Variants in AGFG2 observed in about 807,000 individuals in gnomAD.
The protein encoded by AGFG2 is ArfGAP with FG repeats 2.
AGFG2 carries 31 observed loss-of-function variants against 48.0 expected under a neutral mutation model. That is an observed-to-expected ratio of 0.65 (90% confidence interval 0.49 to 0.87). AGFG2 has a LOEUF of 0.87. AGFG2 is among the 40% of genes least tolerant of loss of function. The probability of loss-of-function intolerance (pLI) is 0.00; values close to 1 mark genes in which losing one functional copy is unlikely to be tolerated. For synonymous variants in AGFG2, 229 were observed against 260.8 expected (o/e 0.88, Z 1.18); for missense variants, 599 against 632.6 (o/e 0.95, Z 0.57).
chr7:100,561,473 CCCAG>C (rs1208846789), intron 6 of AGFG2, among the ~76,000 whole-genome samples: 1 of 152,152 alleles, frequency 6.6e-6, no homozygotes, highest in Non-Finnish European at 1.5e-5. Flanking sequence ...TTCACAGCAG[CCCAG>C]TGTGGTCGAT....
chr7:100,564,277 G>C lies in AGFG2; in HGVS notation c.1360G>C (p.Ala454Pro), dbSNP rs372132925. Residue 454 changes from alanine to proline, a missense_variant, in exon 11 of 12, where the codon GCT becomes CCT. Ala to Pro is a conservative substitution (Grantham distance 27, BLOSUM62 -1). Transcript: ENST00000300176. ...KLGQRPLSQP[A>P]GISTNPFMTG... ...GGGGCAGAGGCCACTGAGCCAGCCA[G>C]CTGGGATCTCCACCAACCCCTTCAT... 1.2e-4 allele frequency: 190 copies of C among 1,613,760 alleles called. No individual in the cohort carries two copies. The highest frequency in any genetic ancestry group is 1.4e-4 in the Non-Finnish European group (170 of 1,179,934).
rs76456752 is a variant in AGFG2, at chr7:100,561,127, C to CTT, written c.878-1117_878-1116dup. On this transcript the variant is annotated intron_variant, in intron 6 of 11. Transcript: ENST00000300176. ...AGCCACCACACCTGGCCAGATCTCC[C>CTT]TTTTTTTTTTTTTTTTGAGACGGAG... 4.4e-3 allele frequency among the ~76,000 whole-genome samples: 553 copies of CTT among 125,072 alleles called. 6 individuals carry two copies. Among genetic ancestry groups the CTT allele is most frequent in the African/African-American group, 0.016 (517 of 33,170 alleles). 82.1% of individuals were successfully genotyped at this position (125,072 alleles called of 152,430 possible).
At chr7:100,555,966 C>T in intron 6 of AGFG2, 1 of 490,708 alleles carries the variant, frequency 2.0e-6, no homozygotes, top group Non-Finnish European at 3.5e-6. Context: ...GCAGCAGGAG[C>T]TGTGTGGGTT....
intron 9 of AGFG2, 80 bp from the exon 10 acceptor site, chr7:100,563,754 T>G (rs922861920): frequency 7.0e-6 from 11 of 1,581,588 alleles, no homozygotes; most frequent in Non-Finnish European, 9.4e-6. Context: ...CATTTTCCCA[T>G]CTTGGAGGGA....
intron 1 of AGFG2, among the ~76,000 whole-genome samples, chr7:100,546,449 C>G (rs1800512749): frequency 6.6e-6 from 1 of 152,182 alleles, no homozygotes. Flanking sequence ...ACTGCTGCAT[C>G]CTGGAGTCAC....
rs936698589 is a variant in AGFG2, at chr7:100,562,768, A to T, written c.1087+86A>T. 2 of 1,592,522 alleles carry T rather than the reference A, an allele frequency of 1.3e-6. No homozygotes were observed. Among genetic ancestry groups the T allele is most frequent in the African/African-American group, 2.7e-5 (2 of 74,596 alleles). ...TCTGGACAGGGTGGGAAGGGGAGAGATTGAGAGGAATGCTCAGGCATCACA... is the reference window on the plus strand; with the variant it reads ...TCTGGACAGGGTGGGAAGGGGAGAGTTTGAGAGGAATGCTCAGGCATCACA... On this transcript the variant is annotated intron_variant, in intron 8 of 11. Transcript: ENST00000300176. This position sits in a 1 kb window ranked among gnomAD's most constrained non-coding sequence, Gnocchi z 5.4.
At chr7:100,564,164 C>T (rs1180482703) in intron 10 of AGFG2, 54 bp from the exon 11 acceptor site, 15 of 1,579,414 alleles carry the variant, frequency 9.5e-6, no homozygotes, top group Non-Finnish European at 1.3e-5. Flanking sequence ...CCCTTGCTGT[C>T]CGCCTGCAGG....
Position 100,565,255 on chromosome 7 carries a change from G to A in AGFG2, c.*264G>A. 1 of 558,640 alleles carries A rather than the reference G, an allele frequency of 1.8e-6. No individual in the cohort carries two copies. Among genetic ancestry groups the A allele is most frequent in the Non-Finnish European group, 3.2e-6 (1 of 311,066 alleles). The allele number at this position is 558,640 out of a possible 1,614,324, so 34.6% of individuals were successfully genotyped here. A position where few individuals can be genotyped will look rare whatever the true frequency, so the allele number is the denominator to read the frequency against. Reference sequence around the variant, plus strand: ...ACCTGGAGGAGTGATGGTTGAGGGGGAGGGATTTTTTTCAAATGATCAGTC... The same window carrying A: ...ACCTGGAGGAGTGATGGTTGAGGGGAAGGGATTTTTTTCAAATGATCAGTC... On this transcript the variant is annotated 3_prime_UTR_variant, in exon 12 of 12. Coordinates refer to ENST00000300176, the MANE Select transcript of AGFG2 (RefSeq NM_006076.5).
At chr7:100,550,599 C>G in intron 3 of AGFG2, 88 bp downstream of exon 3, 1 of 1,016,814 alleles carries the variant, frequency 9.8e-7, no homozygotes. Flanking sequence ...ATTTGGCCTT[C>G]TCACAAAAGA....
intron 6 of AGFG2, among the ~76,000 whole-genome samples, chr7:100,558,923 G>A (rs1467879017): frequency 6.6e-6 from 1 of 151,986 alleles, no homozygotes; most frequent in Non-Finnish European, 1.5e-5. Context: ...ATCATTTGAG[G>A]TCAGAAGTTT....
At chr7:100,549,743 A>AGCTTAAT (rs1362023266) in intron 2 of AGFG2, among the ~76,000 whole-genome samples, 1 of 152,018 alleles carries the variant, frequency 6.6e-6, no homozygotes, top group East Asian at 1.9e-4. Context: ...CCCAGGCTGG[A>AGCTTAAT]GCTTAATGGT....
intron 5 of AGFG2, among the ~76,000 whole-genome samples, chr7:100,554,724 C>A (rs1189759315): frequency 6.6e-6 from 1 of 151,866 alleles, no homozygotes; most frequent in Non-Finnish European, 1.5e-5. Context: ...CACCTGAGGT[C>A]AGGAGTTCAA....
intron 3 of AGFG2, among the ~76,000 whole-genome samples, chr7:100,551,055 TATATATATATATTTC>T (rs1562791827): frequency 5.7e-5 from 5 of 87,894 alleles, no homozygotes; most frequent in African/African-American, 1.2e-4. Context: ...TATATATATA[TATATATATATATTTC>T]TTTTTTTTTT....
In AGFG2 at chr7:100,566,154, A is replaced by C. The variant is rs960143946; in HGVS notation, c.*1163A>C. On this transcript the variant is annotated 3_prime_UTR_variant, in exon 12 of 12. Transcript: ENST00000300176. Reference sequence around the variant, plus strand: ...CAGAGCCCGTCCCTGTCTGAACAAGAGTCCCGCATTAGCAATGAGAAGAAG... The same window carrying C: ...CAGAGCCCGTCCCTGTCTGAACAAGCGTCCCGCATTAGCAATGAGAAGAAG... 1 of 152,210 alleles carries C rather than the reference A, an allele frequency of 6.6e-6. No homozygotes were observed. Among genetic ancestry groups the C allele is most frequent in the Non-Finnish European group, 1.5e-5 (1 of 68,046 alleles). The allele number at this position is 152,210 out of a possible 1,614,324, so 9.4% of individuals were successfully genotyped here.
chr7:100,564,213 C>A lies in AGFG2; in HGVS notation c.1301-5C>A. 1 of 1,609,312 alleles carries A rather than the reference C, an allele frequency of 6.2e-7. No homozygotes were observed. Among genetic ancestry groups the A allele is most frequent in the South Asian group, 1.1e-5 (1 of 89,980 alleles). On this transcript the variant is annotated splice_region_variant and splice_polypyrimidine_tract_variant and intron_variant, in intron 10 of 11. Coordinates refer to ENST00000300176, the MANE Select transcript of AGFG2 (RefSeq NM_006076.5). ...GTCAGCTGAGTGACTGCTCTCGCCCCCTAGGCTCTTCCTTCGGGGACTTAG... is the reference window on the plus strand; with the variant it reads ...GTCAGCTGAGTGACTGCTCTCGCCCACTAGGCTCTTCCTTCGGGGACTTAG...
At chr7:100,556,402 C>G in intron 6 of AGFG2, 1 of 257,444 alleles carries the variant, frequency 3.9e-6, no homozygotes, top group Admixed American at 4.6e-5. Context: ...AAGCATTCTG[C>G]TCCTTCCTAA....
chr7:100,550,543 C>T lies in AGFG2; in HGVS notation c.431+32C>T, dbSNP rs753644967. 1.8e-5 allele frequency: 27 copies of T among 1,521,848 alleles called. No individual in the cohort carries two copies. The Admixed American group carries it at 3.4e-4, about 19-fold the overall frequency. 94.3% of individuals were successfully genotyped at this position (1,521,848 alleles called of 1,614,324 possible). ...AGTAGGAAAGAGGTTGCTATGGAAA[C>T]GTGTTCAAGACATTCTTCATCTGAC... On this transcript the variant is annotated intron_variant, in intron 3 of 11. Coordinates refer to ENST00000300176, the MANE Select transcript of AGFG2 (RefSeq NM_006076.5).
chr7:100,556,605 C>T (rs1327894653), intron 6 of AGFG2: 3 of 1,289,454 alleles, frequency 2.3e-6, no homozygotes, highest in Non-Finnish European at 3.0e-6. Context: ...CAGTCGGATG[C>T]TAACTGAAAG....
intron 6 of AGFG2, among the ~76,000 whole-genome samples, chr7:100,560,217 C>A (rs1367809361): frequency 1.3e-5 from 2 of 151,000 alleles, no homozygotes; most frequent in Non-Finnish European, 2.9e-5. Flanking sequence ...CTTGCCCTGT[C>A]GCCCAGGCTG....
Sources: gnomAD v4.1 joint callset for allele counts (sites outside exome capture counted in the v4.1 genomes callset) on GRCh38, gnomAD v4.1.1 for gene constraint, Gnocchi (gnomAD v3.1) non-coding constraint, MANE v1.5 for transcripts, NCBI Gene and HGNC (gene_info 2026-07-23, HGNC 2026-07-21) for gene names.